The following MARCHF1 variants were observed in gnomAD, a reference collection of about 807,000 sequenced individuals.
MARCHF1 encodes the protein E3 ubiquitin-protein ligase MARCHF1.
In MARCHF1, 40 loss-of-function variants were observed where a neutral mutation model predicts 54.2. The observed-to-expected ratio is 0.74, with a 90% CI of 0.57 to 0.96. The LOEUF is 0.96. Among genes scored for constraint, MARCHF1 ranks in the 40% least tolerant of loss-of-function variants. MARCHF1 has a pLI of 0.00. For missense variants in MARCHF1, 586 were observed against 656.5 expected (o/e 0.89, Z 1.17); for synonymous variants, 236 against 236.3 (o/e 1.00, Z 0.01).
intron 1 of MARCHF1, among the ~76,000 whole-genome samples, chr4:164,379,806 T>C (rs1297020591): frequency 6.6e-6 from 1 of 151,910 alleles, no homozygotes; most frequent in African/African-American, 2.4e-5. Flanking sequence ...TGAAACCCCA[T>C]CTATGCTAAA....
intron 3 of MARCHF1, among the ~76,000 whole-genome samples, chr4:163,948,237 C>T (rs1752062723): frequency 6.6e-6 from 1 of 152,164 alleles, no homozygotes; most frequent in African/African-American, 2.4e-5. Flanking sequence ...GTTCACTAGT[C>T]AAATCAGGTA....
At chr4:164,303,655 A>G (rs1034209802) in intron 1 of MARCHF1, among the ~76,000 whole-genome samples, 1 of 152,138 alleles carries the variant, frequency 6.6e-6, no homozygotes, top group Non-Finnish European at 1.5e-5. Flanking sequence ...AAGGACTAAT[A>G]TTAACTAGTC....
At chr4:164,334,733 G>T (rs1729684391) in intron 1 of MARCHF1, among the ~76,000 whole-genome samples, 1 of 152,138 alleles carries the variant, frequency 6.6e-6, no homozygotes, top group Non-Finnish European at 1.5e-5. Flanking sequence ...TTCCATAAAT[G>T]GTGATTCCTT....
intron 4 of MARCHF1, among the ~76,000 whole-genome samples, chr4:163,759,539 C>G (rs1216162482): frequency 6.6e-6 from 1 of 152,046 alleles, no homozygotes; most frequent in African/African-American, 2.4e-5. Context: ...CATCTGTATG[C>G]TGGTTGAAAA....
intron 3 of MARCHF1, among the ~76,000 whole-genome samples, chr4:163,977,070 T>C (rs1752663279): frequency 6.6e-6 from 1 of 151,992 alleles, no homozygotes; most frequent in East Asian, 1.9e-4. Flanking sequence ...GAAAAGTATA[T>C]AAAACAGTGC....
intron 5 of MARCHF1, among the ~76,000 whole-genome samples, chr4:163,674,495 T>C (rs1743843391): frequency 6.6e-6 from 1 of 152,164 alleles, no homozygotes; most frequent in Admixed American, 6.5e-5. Context: ...CAGCTCTTTC[T>C]TAAAAGTGGA....
At chr4:163,538,704 A>G (rs1382547634) in intron 9 of MARCHF1, among the ~76,000 whole-genome samples, 1 of 152,206 alleles carries the variant, frequency 6.6e-6, no homozygotes, top group African/African-American at 2.4e-5. Context: ...CTAAGAGTCT[A>G]CTTCAGTCTT....
intron 1 of MARCHF1, among the ~76,000 whole-genome samples, chr4:164,243,413 C>G (rs1479506861): frequency 1.6e-4 from 24 of 151,634 alleles, no homozygotes; most frequent in Admixed American, 1.2e-3. Context: ...AAATCCTTTA[C>G]AGACAAGCAA....
chr4:163,600,959 A>T (rs1740943317), intron 7 of MARCHF1, among the ~76,000 whole-genome samples: 1 of 152,190 alleles, frequency 6.6e-6, no homozygotes, highest in Non-Finnish European at 1.5e-5. Flanking sequence ...ACGCTCCTGG[A>T]GTCCTTGTAT....
chr4:164,254,602 G>T (rs1479968084), intron 1 of MARCHF1, among the ~76,000 whole-genome samples: 1 of 151,986 alleles, frequency 6.6e-6, no homozygotes, highest in Non-Finnish European at 1.5e-5. Flanking sequence ...GTATTAAGTT[G>T]TATGATTACA....
intron 2 of MARCHF1, among the ~76,000 whole-genome samples, chr4:163,996,263 C>T (rs554359703): frequency 4.0e-5 from 6 of 151,686 alleles, no homozygotes; most frequent in African/African-American, 7.3e-5. Flanking sequence ...TAATTAGTAA[C>T]GTGGAAAGTG....
At chr4:163,782,127 A>T (rs1331736242) in intron 4 of MARCHF1, among the ~76,000 whole-genome samples, 3 of 151,818 alleles carry the variant, frequency 2.0e-5, no homozygotes, top group Admixed American at 6.5e-5. Flanking sequence ...AAAAAAAAAA[A>T]ATATTAAATG....
At chr4:164,218,503 T>C (rs928852293) in intron 1 of MARCHF1, among the ~76,000 whole-genome samples, 2 of 151,838 alleles carry the variant, frequency 1.3e-5, no homozygotes, top group African/African-American at 4.8e-5. Flanking sequence ...ATATACACCA[T>C]AGAATACTAT....
In MARCHF1 at chr4:163,656,020, C is replaced by T. The variant is rs545418991; in HGVS notation, c.163-42627G>A. 3.0e-4 allele frequency among the ~76,000 whole-genome samples: 45 copies of T among 151,408 alleles called. 1 individual carries two copies. The South Asian group carries it at 9.4e-3, about 32-fold the overall frequency. On this transcript the variant is annotated intron_variant, in intron 5 of 9. Coordinates refer to ENST00000514618, the MANE Select transcript of MARCHF1 (RefSeq NM_001394959.1). ...AACTAGAGAATCAAAAGCAAACAAACCCCAAAGCTAGCAGAAGACAAGAAA... is the reference window on the plus strand; with the variant it reads ...AACTAGAGAATCAAAAGCAAACAAATCCCAAAGCTAGCAGAAGACAAGAAA...
At chr4:164,053,830 T>C (rs192704567) in intron 2 of MARCHF1, among the ~76,000 whole-genome samples, 1 of 152,288 alleles carries the variant, frequency 6.6e-6, no homozygotes, top group East Asian at 1.9e-4. Context: ...AAGACATTGA[T>C]CTGAAACAGT....
At chr4:164,006,474 T>C (rs943347521) in intron 2 of MARCHF1, among the ~76,000 whole-genome samples, 1 of 151,974 alleles carries the variant, frequency 6.6e-6, no homozygotes, top group African/African-American at 2.4e-5. Context: ...ACCTACAAGA[T>C]ATAGAAAATT....
At chr4:163,851,376 ATTCT>A (rs2111163147) in intron 4 of MARCHF1, among the ~76,000 whole-genome samples, 1 of 152,260 alleles carries the variant, frequency 6.6e-6, no homozygotes, top group African/African-American at 2.4e-5. Context: ...TGTGTACCTG[ATTCT>A]TTCTCTATCC....
At chr4:164,088,611 G>A (rs1249394528) in intron 2 of MARCHF1, among the ~76,000 whole-genome samples, 3 of 152,048 alleles carry the variant, frequency 2.0e-5, no homozygotes, top group Non-Finnish European at 4.4e-5. Context: ...GGTGGTGTGT[G>A]CTTGTAGTCC....
At chr4:163,934,764 GAAGTTGACTAACTTCAGTC>G (rs149017897) in intron 3 of MARCHF1, among the ~76,000 whole-genome samples, 13,626 of 151,910 alleles carry the variant, frequency 0.09, 631 homozygotes, top group African/African-American at 0.098. Context: ...TATTAGGACT[GAAGTTGACTAACTTCAGTC>G]AAGTTAGTCA....
Sources: gnomAD v4.1 joint callset for allele counts (sites outside exome capture counted in the v4.1 genomes callset) on GRCh38, gnomAD v4.1.1 for gene constraint, MANE v1.5 for transcripts, NCBI Gene and HGNC (gene_info 2026-07-23, HGNC 2026-07-21) for gene names.